CSTF3: variants seen among roughly 807,000 people sequenced by gnomAD.
The protein encoded by CSTF3 is cleavage stimulation factor subunit 3.
In CSTF3, 29 loss-of-function variants were observed where a neutral mutation model predicts 105.8. That is an observed-to-expected ratio of 0.27 (90% CI 0.20 to 0.37). CSTF3 has a LOEUF of 0.37. Among genes scored for constraint, CSTF3 ranks in the 10% least tolerant of loss-of-function variants. CSTF3 has a pLI of 1.00. For missense variants in CSTF3, 357 were observed against 879.3 expected (o/e 0.41, Z 7.51); for synonymous variants, 252 against 281.9 (o/e 0.89, Z 1.06).
chr11:33,092,487 A>C, intron 15 of CSTF3, 147 bp from the exon 16 acceptor site: 2 of 526,132 alleles, frequency 3.8e-6, no homozygotes, highest in Non-Finnish European at 6.5e-6. Context: ...AGATGAGGAA[A>C]CTTGAGCTTC....
At chr11:33,119,369 A>G (rs1441617329) in intron 3 of CSTF3, among the ~76,000 whole-genome samples, 1 of 151,818 alleles carries the variant, frequency 6.6e-6, no homozygotes, top group Non-Finnish European at 1.5e-5. Flanking sequence ...CTTGTTGGCA[A>G]TTTAATTCTA....
chr11:33,116,511 A>C (rs1251859081), intron 3 of CSTF3, among the ~76,000 whole-genome samples: 4 of 152,220 alleles, frequency 2.6e-5, no homozygotes, highest in African/African-American at 4.8e-5. Context: ...CAATGAAACA[A>C]CATGAGTTTC....
chr11:33,161,149 C>A, intron 1 of CSTF3, 150 bp downstream of exon 1: 1 of 681,248 alleles, frequency 1.5e-6, no homozygotes, highest in South Asian at 2.0e-5. Flanking sequence ...AATCTTAGAT[C>A]TTGCTCCCCA....
At chr11:33,096,434 G>A (rs1452176679) in intron 14 of CSTF3, 26 bp from the exon 15 acceptor site, 1 of 1,405,676 alleles carries the variant, frequency 7.1e-7, no homozygotes, top group African/African-American at 1.4e-5. Context: ...GTAAAGTACA[G>A]ATTTCCATGA....
At position 33,106,002 on chromosome 11, in the gene CSTF3, T is replaced by C; in HGVS notation, c.419A>G (p.Tyr140Cys). ...ATTAAAAAGTTTTAACTCTACCTGA[T>C]AGGACATAATTTCCATTCCAATTTT... is the stretch of plus-strand genomic sequence containing the variant. Reference protein sequence around the residue: ...LDKIGMEIMSYQIWVDYINFL... With the variant: ...LDKIGMEIMSCQIWVDYINFL... Residue 140 changes from tyrosine to cysteine, a missense_variant, in exon 6 of 21, where the codon TAT (tyrosine) becomes TGT (cysteine). Transcript: ENST00000323959. 1 of 1,608,958 alleles carries C rather than the reference T, an allele frequency of 6.2e-7. No individual in the cohort carries two copies. Among genetic ancestry groups the C allele is most frequent in the South Asian group, 1.1e-5 (1 of 90,768 alleles).
At chr11:33,132,835 GATGGC>G (rs962886474) in intron 3 of CSTF3, among the ~76,000 whole-genome samples, 36 of 152,180 alleles carry the variant, frequency 2.4e-4, no homozygotes, top group African/African-American at 8.2e-4. Context: ...CAAAGCGAAA[GATGGC>G]ATTATTTTTA....
At chr11:33,152,165 G>C (rs974378557) in intron 1 of CSTF3, among the ~76,000 whole-genome samples, 1 of 152,192 alleles carries the variant, frequency 6.6e-6, no homozygotes, top group Non-Finnish European at 1.5e-5. Context: ...TAAGGTGGGA[G>C]GATCCCTTGA....
intron 20 of CSTF3, 88 bp from the exon 21 acceptor site, chr11:33,085,377 T>C: frequency 1.4e-6 from 1 of 698,982 alleles, no homozygotes; most frequent in African/African-American, 1.8e-5. Context: ...TTTCATAGCC[T>C]ACTATTTTAG....
At position 33,107,614 on chromosome 11, in the gene CSTF3, G is replaced by T. The variant is rs1299653385; in HGVS notation, c.356+289C>A. On this transcript the variant is annotated intron_variant, in intron 5 of 20. Coordinates refer to ENST00000323959, the MANE Select transcript of CSTF3 (RefSeq NM_001326.3). ...AAAGTGGTACTAGCACAAGTATGAAGATGGTTTTTGAAAAAATTTGACAAG... is the reference window on the plus strand; with the variant it reads ...AAAGTGGTACTAGCACAAGTATGAATATGGTTTTTGAAAAAATTTGACAAG... Among the ~76,000 whole-genome samples, 4 of 133,328 alleles carry T rather than the reference G, an allele frequency of 3.0e-5. No homozygotes were observed. The East Asian group carries it at 8.9e-4, about 30-fold the overall frequency. The allele number at this position is 133,328 out of a possible 152,430, so 87.5% of individuals were successfully genotyped here.
At position 33,099,289 on chromosome 11, in the gene CSTF3, CCA is replaced by C. The variant is rs111434204; in HGVS notation, c.937-141_937-140del. ...TGTATGTACACACATATATATGTAT[CCA>C]CACACACACATACATAAACACATAT... On this transcript the variant is annotated intron_variant, in intron 11 of 20. Transcript: ENST00000323959. The surrounding 1 kb of genome is among the most constrained non-coding windows in gnomAD (Gnocchi z 4.1). The C allele has an allele frequency of 1.9e-4, 197 of 1,050,158 alleles. No homozygotes were observed. Among genetic ancestry groups the C allele is most frequent in the East Asian group, 2.2e-4 (8 of 36,160 alleles). The allele number at this position is 1,050,158 out of a possible 1,614,324, so 65.1% of individuals were successfully genotyped here. A position where few individuals can be genotyped will look rare whatever the true frequency, so the allele number is the denominator to read the frequency against.
chr11:33,151,436 T>A (rs1855858039), intron 1 of CSTF3, among the ~76,000 whole-genome samples: 1 of 152,150 alleles, frequency 6.6e-6, no homozygotes, highest in Non-Finnish European at 1.5e-5. Context: ...TCCACCTGCC[T>A]CGGCCTCTCA....
chr11:33,155,120 G>A (rs1368223864), intron 1 of CSTF3, among the ~76,000 whole-genome samples: 1 of 151,974 alleles, frequency 6.6e-6, no homozygotes, highest in Non-Finnish European at 1.5e-5. Flanking sequence ...GCTTTGGAAG[G>A]CCAAGGCGGG....
intron 1 of CSTF3, among the ~76,000 whole-genome samples, chr11:33,145,260 A>G (rs1855767018): frequency 6.6e-6 from 1 of 151,700 alleles, no homozygotes; most frequent in African/African-American, 2.4e-5. Context: ...ATATGGCGAA[A>G]CCCCGTCTCT....
chr11:33,147,576 CAA>C (rs549719369), intron 1 of CSTF3, among the ~76,000 whole-genome samples: 2 of 126,318 alleles, frequency 1.6e-5, no homozygotes, highest in Admixed American at 1.6e-4. Flanking sequence ...GACTTAGTCT[CAA>C]AAAAAAAAAA....
chr11:33,123,756 T>C (rs1299052001), intron 3 of CSTF3, among the ~76,000 whole-genome samples: 1 of 152,124 alleles, frequency 6.6e-6, no homozygotes, highest in East Asian at 1.9e-4. Flanking sequence ...AACACATGAA[T>C]GTATGTGCAT....
At chr11:33,105,967 A>T (rs764059496) in intron 6 of CSTF3, 31 bp downstream of exon 6, 1 of 1,581,036 alleles carries the variant, frequency 6.3e-7, no homozygotes, top group Admixed American at 1.7e-5. Context: ...TCTTACATTT[A>T]AGTGCATACA....
intron 3 of CSTF3, among the ~76,000 whole-genome samples, chr11:33,139,799 C>T (rs1017135863): frequency 2.0e-5 from 3 of 151,878 alleles, no homozygotes; most frequent in African/African-American, 7.2e-5. Context: ...CTAAATAAAT[C>T]AGGCAACTGC....
chr11:33,134,586 T>C (rs575258755), intron 3 of CSTF3: 3 of 152,318 alleles, frequency 2.0e-5, no homozygotes, highest in African/African-American at 7.2e-5. Flanking sequence ...TTAAGTTTTA[T>C]AAAATTTAGT....
At chr11:33,115,522 T>A (rs1473251935) in intron 3 of CSTF3, among the ~76,000 whole-genome samples, 3 of 152,184 alleles carry the variant, frequency 2.0e-5, no homozygotes, top group Non-Finnish European at 4.4e-5. Flanking sequence ...GGTAAAGAAA[T>A]CAGGAAAGTA....
Sources: allele counts gnomAD v4.1 joint callset (sites outside exome capture counted in the v4.1 genomes callset), GRCh38; gene constraint gnomAD v4.1.1; non-coding constraint Gnocchi (gnomAD v3.1); transcripts MANE v1.5; gene names NCBI Gene and HGNC (gene_info 2026-07-23, HGNC 2026-07-21).